RAPGEF2: variants seen among roughly 807,000 people sequenced by gnomAD.
RAPGEF2 encodes the protein Rap guanine nucleotide exchange factor 2.
RAPGEF2 carries 54 observed loss-of-function variants against 186.7 expected under a neutral mutation model. That is an observed-to-expected ratio of 0.29 (90% CI 0.23 to 0.36). The LOEUF (loss-of-function observed/expected upper bound fraction) is 0.36. RAPGEF2 is among the 10% of genes least tolerant of loss of function. The pLI is 1.00. For synonymous variants in RAPGEF2, 712 were observed against 705.9 expected (o/e 1.01, Z -0.14); for missense variants, 1,532 against 2,045.0 (o/e 0.75, Z 4.84).
In RAPGEF2 at chr4:159,198,298, CTTT is replaced by C. The variant is rs1561074817; in HGVS notation, c.197+5043_197+5045del. Among the ~76,000 whole-genome samples, 20 of 56,900 alleles carry C rather than the reference CTTT, an allele frequency of 3.5e-4. 1 individual carries two copies. The highest frequency in any genetic ancestry group is 2.2e-3 in the African/African-American group (19 of 8,454). 37.3% of individuals were successfully genotyped at this position (56,900 alleles called of 152,430 possible). A position where few individuals can be genotyped will look rare whatever the true frequency, so the allele number is the denominator to read the frequency against. ...TCTTTCTTTCTTTCTTTCTTTCTTTCTTTCTTTCTTTCTTTCTTTCTTTCTTTC... is the reference window on the plus strand; with the variant it reads ...TCTTTCTTTCTTTCTTTCTTTCTTTCCTTTCTTTCTTTCTTTCTTTCTTTC... On this transcript the variant is annotated intron_variant, in intron 3 of 29. Transcript: ENST00000691494.
chr4:159,299,362 A>G (rs1762381462), intron 7 of RAPGEF2, among the ~76,000 whole-genome samples: 1 of 151,702 alleles, frequency 6.6e-6, no homozygotes. Context: ...GTTTTTAACT[A>G]TTGGATTTCT....
At chr4:159,139,702 G>A (rs908185430) in intron 1 of RAPGEF2, among the ~76,000 whole-genome samples, 1 of 152,142 alleles carries the variant, frequency 6.6e-6, no homozygotes, top group Non-Finnish European at 1.5e-5. Context: ...TTTGTTAAAT[G>A]TGGTTTGTTA....
At chr4:159,264,470 G>C (rs576414627) in intron 7 of RAPGEF2, among the ~76,000 whole-genome samples, 3 of 152,306 alleles carry the variant, frequency 2.0e-5, no homozygotes, top group African/African-American at 7.2e-5. Context: ...ACTTAACCTT[G>C]AGAGGAGTGT....
chr4:159,123,433 C>T (rs975716687), intron 1 of RAPGEF2, among the ~76,000 whole-genome samples: 1 of 151,986 alleles, frequency 6.6e-6, no homozygotes, highest in African/African-American at 2.4e-5. Context: ...TTGTGTTTCA[C>T]TGGCTTCTGG....
In RAPGEF2 at chr4:159,329,877, A is replaced by G; in HGVS notation, c.1169A>G (p.Gln390Arg). ...TTCCAGTTTGTCTGCATAGCCCAGC[A>G]AGATTACTGCCGTATTCTCAATCAA... ...DDCQFVCIAQ[Q>R]DYCRILNQVE... is the part of the protein sequence containing the mutation. The change falls in exon 12 of 30, where the codon CAA (glutamine) becomes CGA (arginine). Residue 390 changes from glutamine (Q) to arginine (R), a missense_variant. Gln to Arg is a conservative substitution (Grantham distance 43). Coordinates refer to ENST00000691494, the MANE Select transcript of RAPGEF2 (RefSeq NM_001394067.2). 1 of 1,612,754 alleles carries G rather than the reference A, an allele frequency of 6.2e-7. No individual in the cohort carries two copies. Among genetic ancestry groups the G allele is most frequent in the Non-Finnish European group, 8.5e-7 (1 of 1,179,270 alleles).
At chr4:159,152,024 A>G (rs964191062) in intron 1 of RAPGEF2, among the ~76,000 whole-genome samples, 2 of 152,186 alleles carry the variant, frequency 1.3e-5, no homozygotes, top group Admixed American at 1.3e-4. Context: ...GTTTTGTACT[A>G]TTTAAATAAT....
At chr4:159,357,077 T>C (rs1250975330) in intron 29 of RAPGEF2, among the ~76,000 whole-genome samples, 1 of 151,594 alleles carries the variant, frequency 6.6e-6, no homozygotes, top group Non-Finnish European at 1.5e-5. Flanking sequence ...AGATACATTA[T>C]CAGCCAGCCT....
At chr4:159,148,200 A>C (rs1182497248) in intron 1 of RAPGEF2, among the ~76,000 whole-genome samples, 1 of 152,108 alleles carries the variant, frequency 6.6e-6, no homozygotes, top group African/African-American at 2.4e-5. Context: ...CACTCATCTG[A>C]TGTTGAAAAA....
chr4:159,169,220 T>C (rs1410902026), intron 1 of RAPGEF2, among the ~76,000 whole-genome samples: 1 of 145,190 alleles, frequency 6.9e-6, no homozygotes, highest in African/African-American at 2.7e-5. Flanking sequence ...TGAGACTAAA[T>C]AAAAGTTGTC....
At chr4:159,148,669 AGT>A (rs1335823345) in intron 1 of RAPGEF2, among the ~76,000 whole-genome samples, 1 of 151,898 alleles carries the variant, frequency 6.6e-6, no homozygotes, top group Non-Finnish European at 1.5e-5. Flanking sequence ...CTTGGGATTG[AGT>A]GTACTTAAGC....
chr4:159,284,375 G>A (rs1426689040), intron 7 of RAPGEF2, among the ~76,000 whole-genome samples: 1 of 152,056 alleles, frequency 6.6e-6, no homozygotes, highest in Non-Finnish European at 1.5e-5. Context: ...GAATCCTTCA[G>A]GAATTGTGAA....
At position 159,285,424 on chromosome 4, in the gene RAPGEF2, A is replaced by G. The variant is rs113696774; in HGVS notation, c.544-18918A>G. ...GGAGGTTTGCTAATCCTGTTGATAA[A>G]ATTGAAAGCATTAAAGAACAGAATT... On this transcript the variant is annotated intron_variant, in intron 7 of 29. Transcript: ENST00000691494. Among the ~76,000 whole-genome samples, 1,186 of 152,332 alleles carry G rather than the reference A, an allele frequency of 7.8e-3. 9 individuals carry two copies. Among genetic ancestry groups the G allele is most frequent in the Non-Finnish European group, 0.012 (831 of 68,026 alleles).
intron 7 of RAPGEF2, among the ~76,000 whole-genome samples, chr4:159,302,289 A>G (rs551624818): frequency 6.6e-6 from 1 of 151,968 alleles, no homozygotes; most frequent in African/African-American, 2.4e-5. Flanking sequence ...ACCTGAATAA[A>G]TAAAATATAA....
In RAPGEF2 at chr4:159,328,459, A is replaced by G. The variant is rs1766231230; in HGVS notation, c.1150-1399A>G. ...TTGATTTTTAACTTTTTGCTTCAAA[A>G]TGCTGAATAGAAAAACTAGTGAGAT... On this transcript the variant is annotated intron_variant, in intron 11 of 29. Transcript: ENST00000691494. The G allele has an allele frequency of 2.0e-5, 3 of 152,332 alleles. No homozygotes were observed. The South Asian group carries it at 6.2e-4, about 32-fold the overall frequency. 9.4% of individuals were successfully genotyped at this position (152,332 alleles called of 1,614,324 possible).
intron 3 of RAPGEF2, among the ~76,000 whole-genome samples, chr4:159,195,358 G>A (rs902186092): frequency 6.6e-6 from 1 of 152,188 alleles, no homozygotes; most frequent in Non-Finnish European, 1.5e-5. Context: ...GTAGCAGTAA[G>A]CATCAACTTT....
At position 159,147,811 on chromosome 4, in the gene RAPGEF2, C is replaced by A. The variant is rs578169680; in HGVS notation, c.70-38831C>A. Among the ~76,000 whole-genome samples, 14 of 152,330 alleles carry A rather than the reference C, an allele frequency of 9.2e-5. No homozygotes were observed. In the South Asian group the frequency reaches 2.9e-3, roughly 32 times the overall value. ...ACTTTAGTCAAGATACCTAATCTCT[C>A]AGTGCCTTAAGTTTTCTTTGAAGAG... On this transcript the variant is annotated intron_variant, in intron 1 of 29. Coordinates refer to ENST00000691494, the MANE Select transcript of RAPGEF2 (RefSeq NM_001394067.2).
At chr4:159,208,707 G>C (rs1022352519) in intron 3 of RAPGEF2, among the ~76,000 whole-genome samples, 1 of 152,142 alleles carries the variant, frequency 6.6e-6, no homozygotes, top group Non-Finnish European at 1.5e-5. Context: ...CTGAGTTTAT[G>C]TCCTAACTAA....
intron 26 of RAPGEF2, 63 bp downstream of exon 26, chr4:159,350,352 TCCAG>T: frequency 1.5e-6 from 2 of 1,329,022 alleles, no homozygotes; most frequent in Non-Finnish European, 2.0e-6. Flanking sequence ...TATAATAAAT[TCCAG>T]AGTAATGTAT....
intron 1 of RAPGEF2, among the ~76,000 whole-genome samples, chr4:159,178,543 G>A (rs1455549113): frequency 7.9e-6 from 1 of 127,136 alleles, no homozygotes. Flanking sequence ...CCATTAGCAT[G>A]TATTATGCTT....
Sources: gnomAD v4.1 joint callset for allele counts (sites outside exome capture counted in the v4.1 genomes callset) on GRCh38, gnomAD v4.1.1 for gene constraint, MANE v1.5 for transcripts, NCBI Gene and HGNC (gene_info 2026-07-23, HGNC 2026-07-21) for gene names.